The following ARAP2 variants were observed in gnomAD, a reference collection of about 807,000 sequenced individuals.
ARAP2 encodes ArfGAP with RhoGAP domain, ankyrin repeat and PH domain 2, also known as arf-GAP with Rho-GAP domain, ANK repeat and PH domain-containing protein 2.
A neutral mutation model predicts 194.5 loss-of-function variants in ARAP2; 148 were observed. The observed-to-expected ratio is 0.76, with a 90% CI of 0.67 to 0.87. The LOEUF (loss-of-function observed/expected upper bound fraction) is 0.87, where lower values mean the gene tolerates loss of function less well. Among genes scored for constraint, ARAP2 ranks in the 40% least tolerant of loss-of-function variants. ARAP2 has a pLI of 0.00. For synonymous variants in ARAP2, 695 were observed against 683.5 expected, an observed-to-expected ratio of 1.02 and a Z score of -0.26; for missense variants, 2,128 against 1,989.7, an observed-to-expected ratio of 1.07 and a Z score of -1.32.
intron 32 of ARAP2, among the ~76,000 whole-genome samples, chr4:36,071,581 T>G (rs1465988114): frequency 6.6e-6 from 1 of 152,182 alleles, no homozygotes; most frequent in Non-Finnish European, 1.5e-5. Flanking sequence ...GCCACAAAAT[T>G]TATCAATCTG....
chr4:36,171,754 T>C (rs1287859316), intron 9 of ARAP2, among the ~76,000 whole-genome samples: 1 of 152,148 alleles, frequency 6.6e-6, no homozygotes, highest in African/African-American at 2.4e-5. Context: ...TTATTATTTT[T>C]ATTTTATACC....
intron 6 of ARAP2, among the ~76,000 whole-genome samples, chr4:36,016,346 G>C (rs1715795973): frequency 6.6e-6 from 1 of 152,130 alleles, no homozygotes; most frequent in Non-Finnish European, 1.5e-5. Flanking sequence ...TCTGTGAATA[G>C]AAGAGTATGA....
chr4:36,232,805 A>G (rs536605521), intron 1 of ARAP2, among the ~76,000 whole-genome samples: 2 of 152,326 alleles, frequency 1.3e-5, no homozygotes, highest in South Asian at 4.1e-4. Flanking sequence ...CACTTGGAAC[A>G]TGTTTAAGAG....
chr4:36,068,683 A>T (rs575569486), intron 32 of ARAP2, among the ~76,000 whole-genome samples: 1 of 152,322 alleles, frequency 6.6e-6, no homozygotes, highest in East Asian at 1.9e-4. Flanking sequence ...TGAAAAACTG[A>T]TATGGCGTGC....
intron 21 of ARAP2, among the ~76,000 whole-genome samples, chr4:36,126,807 G>T (rs1470430257): frequency 6.6e-6 from 1 of 152,012 alleles, no homozygotes; most frequent in Non-Finnish European, 1.5e-5. Flanking sequence ...CACTCAATTT[G>T]ACAACTTTAG....
chr4:36,021,314 AT>A (rs1279588305), intron 5 of ARAP2, among the ~76,000 whole-genome samples: 4 of 152,222 alleles, frequency 2.6e-5, no homozygotes, highest in Non-Finnish European at 4.4e-5. Flanking sequence ...ATAGGATATA[AT>A]ATGATTTGGA....
At position 36,011,062 on chromosome 4, in the gene ARAP2, T is replaced by C. The variant is rs542341555; in HGVS notation, n.1325+1501A>G. Among the ~76,000 whole-genome samples, 5 of 152,264 alleles carry C rather than the reference T, an allele frequency of 3.3e-5. No individual in the cohort carries two copies. In the East Asian group the frequency reaches 7.7e-4, roughly 24 times the overall value. On this transcript the variant is annotated intron_variant and non_coding_transcript_variant, in intron 9 of 12. Transcript: ENST00000503225. Reference sequence around the variant, plus strand: ...CTTGTGTCTTTTGTTTTGTGTCTGATCAAAAGTGTCTTGATCCAGCAATGT... The same window carrying C: ...CTTGTGTCTTTTGTTTTGTGTCTGACCAAAAGTGTCTTGATCCAGCAATGT...
intron 31 of ARAP2, among the ~76,000 whole-genome samples, chr4:36,075,867 T>A (rs1004767737): frequency 1.3e-5 from 2 of 152,138 alleles, no homozygotes; most frequent in African/African-American, 2.4e-5. Context: ...CCTTAAATTT[T>A]AAGAAACCAT....
At chr4:36,090,089 C>A (rs559841078) in intron 28 of ARAP2, among the ~76,000 whole-genome samples, 1 of 151,970 alleles carries the variant, frequency 6.6e-6, no homozygotes, top group South Asian at 2.1e-4. Context: ...CTACTGACCC[C>A]ATAGAAATAT....
At chr4:36,123,159 C>A (rs1411662989) in intron 22 of ARAP2, among the ~76,000 whole-genome samples, 1 of 151,800 alleles carries the variant, frequency 6.6e-6, no homozygotes, top group Non-Finnish European at 1.5e-5. Context: ...GTACACTTAA[C>A]TGTAAACATC....
At chr4:36,234,479 T>TG (rs1036567773) in intron 1 of ARAP2, among the ~76,000 whole-genome samples, 4 of 151,734 alleles carry the variant, frequency 2.6e-5, no homozygotes, top group African/African-American at 9.7e-5. Context: ...GAGCGGGGGG[T>TG]GGGGGACACA....
intron 5 of ARAP2, among the ~76,000 whole-genome samples, chr4:36,031,866 G>T (rs1428672296): frequency 6.6e-6 from 1 of 151,816 alleles, no homozygotes; most frequent in Non-Finnish European, 1.5e-5. Context: ...ACGGGGTTTC[G>T]CCAGGTTGGA....
chr4:36,079,888 A>G (rs1729110751), intron 31 of ARAP2, among the ~76,000 whole-genome samples: 1 of 152,124 alleles, frequency 6.6e-6, no homozygotes, highest in Non-Finnish European at 1.5e-5. Context: ...ATGAAGGTCT[A>G]TGTGGGATTG....
Position 36,046,487 on chromosome 4 carries a change from C to T in ARAP2, n.509+223G>A, listed in dbSNP as rs558535274. Among the ~76,000 whole-genome samples the T allele has an allele frequency of 4.6e-5, 7 of 152,030 alleles. No individual in the cohort carries two copies. The South Asian group carries it at 1.5e-3, about 32-fold the overall frequency. On this transcript the variant is annotated intron_variant and non_coding_transcript_variant, in intron 4 of 12. Transcript: ENST00000503225. Reference sequence around the variant, plus strand: ...TACAGCTGTGAGCCACTGCACCTGGCCTATAGGTGCAGTGAGCCACTGCAC... The same window carrying T: ...TACAGCTGTGAGCCACTGCACCTGGTCTATAGGTGCAGTGAGCCACTGCAC...
At chr4:36,077,689 C>T (rs1054809916) in intron 31 of ARAP2, among the ~76,000 whole-genome samples, 1 of 152,114 alleles carries the variant, frequency 6.6e-6, no homozygotes, top group Non-Finnish European at 1.5e-5. Context: ...CTCTACACTG[C>T]AGACTCAATG....
At chr4:36,042,002 A>T (rs1310341782) in intron 5 of ARAP2, among the ~76,000 whole-genome samples, 6 of 152,114 alleles carry the variant, frequency 3.9e-5, no homozygotes, top group Non-Finnish European at 5.9e-5. Flanking sequence ...GAAGCAAACA[A>T]CAAACACTGG....
chr4:36,228,561 G>A (rs755131001), intron 2 of ARAP2, 21 bp downstream of exon 2: 2 of 1,541,152 alleles, frequency 1.3e-6, no homozygotes, highest in South Asian at 1.3e-5. Flanking sequence ...AATATTTACA[G>A]CTTATTGTAA....
At chr4:36,023,056 G>A (rs893377605) in intron 5 of ARAP2, among the ~76,000 whole-genome samples, 1 of 152,086 alleles carries the variant, frequency 6.6e-6, no homozygotes, top group Non-Finnish European at 1.5e-5. Flanking sequence ...GTCAATTCAG[G>A]ACATAGCTAC....
intron 6 of ARAP2, among the ~76,000 whole-genome samples, chr4:36,018,823 T>C (rs1716363365): frequency 6.6e-6 from 1 of 152,220 alleles, no homozygotes; most frequent in South Asian, 2.1e-4. Flanking sequence ...GCATGTACTC[T>C]GGAAAATAAT....
Sources: gnomAD v4.1 joint callset for allele counts (sites outside exome capture counted in the v4.1 genomes callset) on GRCh38, gnomAD v4.1.1 for gene constraint, MANE v1.5 for transcripts, NCBI Gene and HGNC (gene_info 2026-07-23, HGNC 2026-07-21) for gene names.